Variants in GIPC2 observed in about 807,000 individuals in gnomAD.
GIPC2 encodes the protein GIPC PDZ domain containing family member 2, also known as PDZ domain-containing protein GIPC2.
A neutral mutation model predicts 30.6 loss-of-function variants in GIPC2; 30 were observed. That is an observed-to-expected ratio of 0.98 (90% CI 0.73 to 1.33). The LOEUF is 1.33. GIPC2 is among the 40% of genes most tolerant of loss of function. GIPC2 has a pLI of 0.00. For missense variants in GIPC2, 414 were observed against 390.3 expected (o/e 1.06, Z -0.51); for synonymous variants, 167 against 150.0 (o/e 1.11, Z -0.83).
At chr1:78,093,798 AGAC>A (rs1662087348) in intron 2 of GIPC2, among the ~76,000 whole-genome samples, 1 of 152,170 alleles carries the variant, frequency 6.6e-6, no homozygotes, top group African/African-American at 2.4e-5. Context: ...GGGACTTCTG[AGAC>A]AGATTATGGC....
At chr1:78,050,711 T>C (rs1661181118) in intron 1 of GIPC2, among the ~76,000 whole-genome samples, 1 of 151,888 alleles carries the variant, frequency 6.6e-6, no homozygotes, top group Admixed American at 6.6e-5. Flanking sequence ...CTCAGCTCAC[T>C]ACAAGCTCCG....
chr1:78,045,927 G>T, upstream of GIPC2: 1 of 1,351,554 alleles, frequency 7.4e-7, no homozygotes, highest in Non-Finnish European at 9.4e-7. Context: ...GGCTGCTCCG[G>T]TCCAGGGGTG....
In GIPC2 at chr1:78,114,620, T is replaced by C. The variant is rs2100418457; in HGVS notation, c.608-4773T>C. Among the ~76,000 whole-genome samples the C allele has an allele frequency of 1.3e-5, 2 of 152,092 alleles. 1 individual carries two copies. The highest frequency in any genetic ancestry group is 4.1e-4 in the South Asian group (2 of 4,822). On this transcript the variant is annotated intron_variant, in intron 3 of 5. Coordinates refer to ENST00000370759, the MANE Select transcript of GIPC2 (RefSeq NM_017655.6). ...CCAAGTGGTTAGCTTTGAGATGGCTTGGCAAATACATAATGATAAAAAAAA... is the reference window on the plus strand; with the variant it reads ...CCAAGTGGTTAGCTTTGAGATGGCTCGGCAAATACATAATGATAAAAAAAA...
intron 1 of GIPC2, among the ~76,000 whole-genome samples, chr1:78,066,628 T>G (rs971683633): frequency 6.6e-6 from 1 of 152,174 alleles, no homozygotes; most frequent in African/African-American, 2.4e-5. Context: ...AGACATGGAT[T>G]CAACCTAAAT....
At chr1:78,107,026 TCTCC>T (rs1457077475) in intron 3 of GIPC2, among the ~76,000 whole-genome samples, 4 of 151,586 alleles carry the variant, frequency 2.6e-5, no homozygotes, top group Admixed American at 6.6e-5. Context: ...TTTAATTTCT[TCTCC>T]CTCCCTCCCT....
chr1:78,050,288 A>C (rs1288536525), intron 1 of GIPC2, among the ~76,000 whole-genome samples: 1 of 152,178 alleles, frequency 6.6e-6, no homozygotes, highest in Non-Finnish European at 1.5e-5. Context: ...TTTTGTAAAC[A>C]AATTTTTTTT....
At chr1:78,046,424 C>G in intron 1 of GIPC2, 90 bp downstream of exon 1, 1 of 1,257,658 alleles carries the variant, frequency 8.0e-7, no homozygotes, top group South Asian at 1.3e-5. Context: ...GGTTGAGCGG[C>G]GTTTCCCGGA....
chr1:78,125,841 T>G (rs1662771008), intron 4 of GIPC2, 40 bp from the exon 5 acceptor site: 1 of 1,095,554 alleles, frequency 9.1e-7, no homozygotes, highest in Middle Eastern at 2.0e-4. Flanking sequence ...ATCAAGAGAT[T>G]TTGTTGTATA....
At chr1:78,131,144 T>G in intron 5 of GIPC2, among the ~76,000 whole-genome samples, 1 of 139,800 alleles carries the variant, frequency 7.2e-6, no homozygotes, top group African/African-American at 2.6e-5. Flanking sequence ...TTAAATCTAT[T>G]TTTTTCTTTT....
chr1:78,124,669 A>G (rs1662749239), intron 4 of GIPC2, among the ~76,000 whole-genome samples: 1 of 152,100 alleles, frequency 6.6e-6, no homozygotes, highest in Admixed American at 6.5e-5. Context: ...ATTGCATCCT[A>G]CTTGAAGTGT....
At chr1:78,133,991 A>G (rs551566431) in intron 5 of GIPC2, among the ~76,000 whole-genome samples, 1 of 152,190 alleles carries the variant, frequency 6.6e-6, no homozygotes, top group African/African-American at 2.4e-5. Flanking sequence ...CTTGGTTCAT[A>G]TTGCACTTTG....
intron 4 of GIPC2, among the ~76,000 whole-genome samples, chr1:78,121,492 T>G (rs1257999545): frequency 6.6e-6 from 1 of 151,310 alleles, no homozygotes; most frequent in Non-Finnish European, 1.5e-5. Context: ...GTCATGGGGG[T>G]GGTTTGTTGA....
chr1:78,099,354 G>C (rs1662197198), intron 3 of GIPC2, among the ~76,000 whole-genome samples: 4 of 151,780 alleles, frequency 2.6e-5, no homozygotes, highest in Admixed American at 2.6e-4. Context: ...GATTAGAGGT[G>C]CTAAAATATA....
chr1:78,124,470 G>A (rs1158762745), intron 4 of GIPC2, among the ~76,000 whole-genome samples: 1 of 152,240 alleles, frequency 6.6e-6, no homozygotes, highest in East Asian at 1.9e-4. Context: ...GTTCAGAAAA[G>A]TTTTACTATT....
intron 3 of GIPC2, among the ~76,000 whole-genome samples, chr1:78,117,220 G>GCCAC (rs1662584601): frequency 6.6e-6 from 1 of 152,192 alleles, no homozygotes; most frequent in Non-Finnish European, 1.5e-5. Context: ...TATTGCCTAG[G>GCCAC]TTCTAAGTAA....
chr1:78,054,656 G>T (rs546280516), intron 1 of GIPC2, among the ~76,000 whole-genome samples: 1 of 152,090 alleles, frequency 6.6e-6, no homozygotes, highest in African/African-American at 2.4e-5. Flanking sequence ...CATTATGTAG[G>T]CTTGATATCC....
chr1:78,046,213 G>C lies in GIPC2; in HGVS notation c.119G>C (p.Arg40Pro). The C allele has an allele frequency of 6.3e-7, 1 of 1,596,946 alleles. No homozygotes were observed. The highest frequency in any genetic ancestry group is 8.5e-7 in the Non-Finnish European group (1 of 1,173,128). Residue 40 changes from arginine to proline, a missense_variant, in exon 1 of 6, where the codon CGC becomes CCC. Arg to Pro is a moderately radical substitution (Grantham distance 103). Transcript: ENST00000370759. Reference sequence around the variant, plus strand: ...CTCTCAGCGTCCCGGGCTCCCGCACGCAGGCTGGTCTTCCACGCGCAGCTG... The same window carrying C: ...CTCTCAGCGTCCCGGGCTCCCGCACCCAGGCTGGTCTTCCACGCGCAGCTG... ...GSLSASRAPARRLVFHAQLAH... is the reference protein window; with the variant it reads ...GSLSASRAPAPRLVFHAQLAH...
chr1:78,062,825 C>G (rs1274803735), intron 1 of GIPC2, among the ~76,000 whole-genome samples: 2 of 152,066 alleles, frequency 1.3e-5, no homozygotes, highest in East Asian at 3.9e-4. Context: ...TGTTGAACAC[C>G]TATTACCACT....
intron 5 of GIPC2, among the ~76,000 whole-genome samples, chr1:78,133,035 A>G (rs989630780): frequency 6.6e-6 from 1 of 152,220 alleles, no homozygotes; most frequent in South Asian, 2.1e-4. Context: ...CTCTTCTTTT[A>G]CATCCTGGCT....
Sources: gnomAD v4.1 joint callset for allele counts (sites outside exome capture counted in the v4.1 genomes callset) on GRCh38, gnomAD v4.1.1 for gene constraint, MANE v1.5 for transcripts, NCBI Gene and HGNC (gene_info 2026-07-23, HGNC 2026-07-21) for gene names.